Variants in ANK2 observed in about 807,000 individuals in gnomAD.
ANK2 encodes the protein ankyrin 2.
ANK2 carries 83 observed loss-of-function variants against 360.5 expected under a neutral mutation model. The observed-to-expected ratio is 0.23, with a 90% confidence interval of 0.19 to 0.28. The LOEUF (loss-of-function observed/expected upper bound fraction) is 0.28. ANK2 is among the 10% of genes least tolerant of loss of function. The probability of loss-of-function intolerance (pLI) is 1.00; values close to 1 mark genes in which losing one functional copy is unlikely to be tolerated. For missense variants in ANK2, 4,201 were observed against 4,795.7 expected (o/e 0.88, Z 3.66); for synonymous variants, 1,740 against 1,759.5 (o/e 0.99, Z 0.28).
chr4:112,951,706 G>A (rs899921151), intron 2 of ANK2, among the ~76,000 whole-genome samples: 1 of 152,134 alleles, frequency 6.6e-6, no homozygotes, highest in African/African-American at 2.4e-5. Flanking sequence ...CAAAGGCATT[G>A]TGTACATAAG....
At chr4:113,062,373 T>C (rs865860310) in intron 1 of ANK2, among the ~76,000 whole-genome samples, 1 of 152,104 alleles carries the variant, frequency 6.6e-6, no homozygotes. Flanking sequence ...CATTTTAGAA[T>C]TTTTACTGCT....
chr4:112,870,437 T>C (rs1481311617), intron 1 of ANK2, among the ~76,000 whole-genome samples: 2 of 152,364 alleles, frequency 1.3e-5, no homozygotes, highest in South Asian at 4.1e-4. Flanking sequence ...GTGTTAGTCA[T>C]TACATTTAGG....
At chr4:113,005,516 T>C (rs756377512) in intron 2 of ANK2, among the ~76,000 whole-genome samples, 2 of 152,158 alleles carry the variant, frequency 1.3e-5, no homozygotes, top group Non-Finnish European at 2.9e-5. Context: ...CTCACTCATA[T>C]GTACGAGCTA....
chr4:112,899,941 G>A (rs1451705215), intron 1 of ANK2, among the ~76,000 whole-genome samples: 3 of 152,030 alleles, frequency 2.0e-5, no homozygotes, highest in Non-Finnish European at 4.4e-5. Context: ...AGCTATTTTG[G>A]GAGGTCATCT....
chr4:113,333,432 G>A (rs886828789), intron 29 of ANK2, among the ~76,000 whole-genome samples: 6 of 151,932 alleles, frequency 3.9e-5, no homozygotes, highest in African/African-American at 1.5e-4. Flanking sequence ...GTTACATTCA[G>A]GAAAATAAAA....
At chr4:113,236,917 T>G in intron 5 of ANK2, 70 bp from the exon 6 acceptor site, 1 of 1,467,346 alleles carries the variant, frequency 6.8e-7, no homozygotes. Context: ...ATTAGAGGCA[T>G]CATTGCTTAG....
intron 1 of ANK2, among the ~76,000 whole-genome samples, chr4:112,893,327 TA>T (rs75686935): frequency 0.04 from 6,059 of 152,098 alleles, 351 homozygotes; most frequent in African/African-American, 0.13. Flanking sequence ...GTTAATTTTT[TA>T]AAAAAATATT....
At chr4:112,930,757 G>A (rs983216964) in intron 2 of ANK2, among the ~76,000 whole-genome samples, 2 of 151,806 alleles carry the variant, frequency 1.3e-5, no homozygotes, top group Admixed American at 6.6e-5. Flanking sequence ...GTGTGGTGGT[G>A]CACGCCTGTA....
chr4:113,355,204 G>A lies in ANK2; in HGVS notation c.6586G>A (p.Gly2196Ser), dbSNP rs776545207. 2.5e-5 allele frequency: 40 copies of A among 1,613,936 alleles called. No individual in the cohort carries two copies. Among genetic ancestry groups the A allele is most frequent in the Middle Eastern group, 3.3e-4 (2 of 6,084 alleles). Residue 2196 changes from glycine to serine, a missense_variant, in exon 38 of 46, where the codon GGT (glycine) becomes AGT (serine). By Grantham distance (56) the Gly-to-Ser change is moderately conservative (BLOSUM62 0). Around this residue, in one of 4 missense-constraint regions of ANK2, gnomAD observed 2,642 missense variants for 2,714.5 expected, o/e 0.97. Coordinates refer to ENST00000357077, the MANE Select transcript of ANK2 (RefSeq NM_001148.6). ...CCTTCCAGCTCTGTCTTTACAAAGC[G>A]GTGCTTTAGATGGCAGTTCTGAAAG... ...EFLPALSLQS[G>S]ALDGSSESLK...
At chr4:112,933,448 T>C (rs2093437542) in intron 2 of ANK2, among the ~76,000 whole-genome samples, 1 of 152,142 alleles carries the variant, frequency 6.6e-6, no homozygotes, top group African/African-American at 2.4e-5. Context: ...TTTTTCCAGT[T>C]TTAAAATTGA....
At position 112,822,174 on chromosome 4, in the gene ANK2, G is replaced by T. The variant is rs532314472; in HGVS notation, c.-40+3910G>T. On this transcript the variant is annotated intron_variant, in intron 1 of 30. Transcript: ENST00000503271. ...TCTCAGCACTTTGGGAAGCCAAGGCGAGAGGATCACGAGGTCAGGAGATTG... is the reference window on the plus strand; with the variant it reads ...TCTCAGCACTTTGGGAAGCCAAGGCTAGAGGATCACGAGGTCAGGAGATTG... Among the ~76,000 whole-genome samples, 7 of 150,020 alleles carry T rather than the reference G, an allele frequency of 4.7e-5. No homozygotes were observed. In the East Asian group the frequency reaches 1.4e-3, roughly 29 times the overall value.
intron 2 of ANK2, among the ~76,000 whole-genome samples, chr4:112,969,772 A>G (rs2038769614): frequency 6.6e-6 from 1 of 152,184 alleles, no homozygotes; most frequent in Non-Finnish European, 1.5e-5. Context: ...TCCGTGGTAG[A>G]TATGGATAAC....
chr4:112,979,001 A>G (rs57162454), intron 2 of ANK2, among the ~76,000 whole-genome samples: 2,036 of 152,350 alleles, frequency 0.013, 24 homozygotes, highest in Middle Eastern at 0.037. Flanking sequence ...AGAAATAATA[A>G]TAGCATAACA....
rs151014435 is a variant in ANK2, at chr4:113,090,425, G to A, written c.84+40613G>A. The stretch of plus-strand genomic sequence containing the variant: ...ACTTCTTTTTTTAAGGGATGAATAG[G>A]TGAGACGTTAGAACTTTACTTAGGA... On this transcript the variant is annotated intron_variant, in intron 1 of 45. Coordinates refer to ENST00000357077, the MANE Select transcript of ANK2 (RefSeq NM_001148.6). Among the ~76,000 whole-genome samples the A allele has an allele frequency of 8.1e-4, 123 of 152,194 alleles. 1 individual carries two copies. In the East Asian group the frequency reaches 0.02, roughly 25 times the overall value.
At chr4:113,175,407 C>T (rs1223844710) in intron 2 of ANK2, among the ~76,000 whole-genome samples, 1 of 152,270 alleles carries the variant, frequency 6.6e-6, no homozygotes, top group East Asian at 1.9e-4. Flanking sequence ...TTATTGTACT[C>T]CCTAATTCCT....
rs768856154 is a variant in ANK2, at chr4:113,346,013, T to G, written c.4362T>G (p.Ile1454Met). ...AICNLNITLPIYTKESESDQE... is the reference protein window; with the variant it reads ...AICNLNITLPMYTKESESDQE... ...GCAACTTAAACATCACTTTGCCGAT[T>G]TATACAAAGGTATCGTAAAATCTGC... The change falls in exon 35 of 46, where the codon ATT becomes ATG. Residue 1454 changes from isoleucine to methionine, a missense_variant. Physicochemically the swap from Ile to Met is conservative, Grantham distance 10. Around this residue, in one of 4 missense-constraint regions of ANK2, gnomAD observed 1,268 missense variants for 1,650.8 expected, o/e 0.77. Coordinates refer to ENST00000357077, the MANE Select transcript of ANK2 (RefSeq NM_001148.6). 6.2e-7 allele frequency: 1 copy of G among 1,613,394 alleles called. No individual in the cohort carries two copies. Among genetic ancestry groups the G allele is most frequent in the South Asian group, 1.1e-5 (1 of 91,074 alleles).
In ANK2 at chr4:113,327,124, A is replaced by C. The variant is rs539779785; in HGVS notation, c.2901-3122A>C. ...TTTCCAGGTTTACAATGACACAGAG[A>C]TACTTATAGGTAAATTTATCTGCTT... On this transcript the variant is annotated intron_variant, in intron 26 of 45. Transcript: ENST00000357077. Among the ~76,000 whole-genome samples the C allele has an allele frequency of 2.0e-5, 3 of 152,314 alleles. No individual in the cohort carries two copies. The South Asian group carries it at 6.2e-4, about 32-fold the overall frequency.
At chr4:113,241,158 A>G (rs2039632684) in intron 8 of ANK2, among the ~76,000 whole-genome samples, 1 of 152,228 alleles carries the variant, frequency 6.6e-6, no homozygotes, top group Non-Finnish European at 1.5e-5. Context: ...AAAAATTACA[A>G]CAGACAAAAA....
intron 1 of ANK2, chr4:112,904,416 TTTCAAAC>T: frequency 8.4e-7 from 1 of 1,186,278 alleles, no homozygotes; most frequent in African/African-American, 1.6e-5. Flanking sequence ...ATTGAAATGA[TTTCAAAC>T]TTCTAATATT....
Sources: allele counts gnomAD v4.1 joint callset (sites outside exome capture counted in the v4.1 genomes callset), GRCh38; gene constraint gnomAD v4.1.1; regional missense constraint gnomAD v4.1.1; transcripts MANE v1.5; gene names NCBI Gene and HGNC (gene_info 2026-07-23, HGNC 2026-07-21).